Variants in B3GALT1 observed in about 807,000 individuals in gnomAD.
B3GALT1 encodes the protein beta-1,3-galactosyltransferase 1.
Under a neutral mutation model 23.2 loss-of-function variants are expected in B3GALT1, and 10 were observed. The observed-to-expected ratio is 0.43, with a 90% CI of 0.27 to 0.73. The LOEUF (loss-of-function observed/expected upper bound fraction) is 0.73, where lower values mean the gene tolerates loss of function less well. Among genes scored for constraint, B3GALT1 ranks in the 30% least tolerant of loss-of-function variants. The pLI is 0.21. For synonymous variants in B3GALT1, 156 were observed against 141.5 expected (o/e 1.10, Z -0.73); for missense variants, 299 against 405.4 (o/e 0.74, Z 2.25).
chr2:167,446,730 T>C (rs1699001689), intron 1 of B3GALT1, among the ~76,000 whole-genome samples: 1 of 152,180 alleles, frequency 6.6e-6, no homozygotes, highest in South Asian at 2.1e-4. Flanking sequence ...TTTAAGGACT[T>C]CTCTACACTG....
chr2:167,839,637 C>A (rs1462753970), intron 4 of B3GALT1, among the ~76,000 whole-genome samples: 1 of 152,254 alleles, frequency 6.6e-6, no homozygotes, highest in African/African-American at 2.4e-5. Context: ...CCATCCCCAT[C>A]AAGCTACCAA....
chr2:167,435,458 A>T (rs1394807247), intron 1 of B3GALT1, among the ~76,000 whole-genome samples: 1 of 142,614 alleles, frequency 7.0e-6, no homozygotes, highest in African/African-American at 2.7e-5. Context: ...AAAAAAAAAA[A>T]AAAAGCAGAG....
At chr2:167,527,824 G>A (rs1012261035) in intron 2 of B3GALT1, among the ~76,000 whole-genome samples, 10 of 152,038 alleles carry the variant, frequency 6.6e-5, no homozygotes, top group South Asian at 2.1e-4. Context: ...CATATGTAAC[G>A]GCAATGTCAA....
chr2:167,621,979 T>C (rs922035607), intron 2 of B3GALT1, among the ~76,000 whole-genome samples: 3 of 152,110 alleles, frequency 2.0e-5, no homozygotes, highest in Admixed American at 6.6e-5. Flanking sequence ...AGTCTTGGGT[T>C]TGTCTTTATT....
At chr2:167,860,065 A>G (rs1001445300) in intron 4 of B3GALT1, among the ~76,000 whole-genome samples, 6 of 152,134 alleles carry the variant, frequency 3.9e-5, no homozygotes, top group Non-Finnish European at 8.8e-5. Context: ...TAAGAGTGAG[A>G]AAAAGGGGAG....
chr2:167,758,926 C>T (rs1687859640), intron 3 of B3GALT1, among the ~76,000 whole-genome samples: 1 of 152,114 alleles, frequency 6.6e-6, no homozygotes, highest in African/African-American at 2.4e-5. Context: ...TGGAAAGAAG[C>T]TTTCGTGATG....
chr2:167,692,495 A>G (rs941633962), intron 3 of B3GALT1, among the ~76,000 whole-genome samples: 5 of 152,100 alleles, frequency 3.3e-5, no homozygotes, highest in Admixed American at 1.3e-4. Flanking sequence ...TAATAAAAAG[A>G]GCATGCATAC....
chr2:167,400,634 C>T (rs902072001), intron 1 of B3GALT1, among the ~76,000 whole-genome samples: 4 of 152,030 alleles, frequency 2.6e-5, no homozygotes, highest in African/African-American at 9.7e-5. Context: ...GAAGATCTCC[C>T]TCTCAATTCT....
intron 3 of B3GALT1, among the ~76,000 whole-genome samples, chr2:167,693,593 G>A (rs1265935245): frequency 6.6e-6 from 1 of 152,074 alleles, no homozygotes; most frequent in African/African-American, 2.4e-5. Context: ...TAGGAAAAAA[G>A]AAAGAAAATG....
rs554671698 is a variant in B3GALT1, at chr2:167,594,019, G to A, written c.-409-52890G>A. ...ACAAATTCTGTACTTACTTTGCTTT[G>A]GCCTTTTCTATACATTTATAAGGTG... On this transcript the variant is annotated intron_variant, in intron 2 of 4. Coordinates refer to ENST00000392690, the MANE Select transcript of B3GALT1 (RefSeq NM_020981.4). 1.1e-3 allele frequency among the ~76,000 whole-genome samples: 174 copies of A among 152,274 alleles called. 1 individual carries two copies. The highest frequency in any genetic ancestry group is 4.1e-3 in the African/African-American group (170 of 41,534).
intron 2 of B3GALT1, among the ~76,000 whole-genome samples, chr2:167,559,706 T>G (rs1028474292): frequency 6.6e-6 from 1 of 152,020 alleles, no homozygotes; most frequent in Admixed American, 6.5e-5. Flanking sequence ...AGGGTATCAG[T>G]GATGGAAGAC....
intron 2 of B3GALT1, among the ~76,000 whole-genome samples, chr2:167,504,082 G>C (rs1489455001): frequency 6.6e-6 from 1 of 152,168 alleles, no homozygotes; most frequent in Non-Finnish European, 1.5e-5. Context: ...TTCCTGGGCA[G>C]ATATGCAGTG....
At chr2:167,401,728 C>T (rs961902244) in intron 1 of B3GALT1, among the ~76,000 whole-genome samples, 12 of 152,170 alleles carry the variant, frequency 7.9e-5, no homozygotes, top group African/African-American at 2.9e-4. Flanking sequence ...ATGATGATCT[C>T]TCTCAGAATC....
intron 2 of B3GALT1, among the ~76,000 whole-genome samples, chr2:167,559,892 T>C (rs1482066276): frequency 6.6e-6 from 1 of 152,136 alleles, no homozygotes; most frequent in Non-Finnish European, 1.5e-5. Flanking sequence ...CAGGATGTTA[T>C]CCAGGAGAAC....
At chr2:167,547,801 CAAA>C (rs568454937) in intron 2 of B3GALT1, among the ~76,000 whole-genome samples, 338 of 152,082 alleles carry the variant, frequency 2.2e-3, no homozygotes, top group Middle Eastern at 6.8e-3. Context: ...GGCTAGCTGC[CAAA>C]AAGAATTGGA....
At chr2:167,446,881 C>A (rs945257541) in intron 1 of B3GALT1, among the ~76,000 whole-genome samples, 1 of 152,304 alleles carries the variant, frequency 6.6e-6, no homozygotes, top group South Asian at 2.1e-4. Context: ...CATTCTCCAT[C>A]CAACTTTGTT....
intron 2 of B3GALT1, among the ~76,000 whole-genome samples, chr2:167,644,562 C>T (rs1228065491): frequency 3.9e-5 from 6 of 151,926 alleles, no homozygotes; most frequent in African/African-American, 1.2e-4. Context: ...GGGTGGATCA[C>T]GAGGTCAGGA....
At chr2:167,472,928 T>A (rs1162491618) in intron 1 of B3GALT1, among the ~76,000 whole-genome samples, 1 of 152,136 alleles carries the variant, frequency 6.6e-6, no homozygotes, top group African/African-American at 2.4e-5. Context: ...GATTTTTTTG[T>A]GAAAAAGTGA....
intron 1 of B3GALT1, among the ~76,000 whole-genome samples, chr2:167,392,145 C>T (rs754814307): frequency 4.0e-5 from 6 of 151,658 alleles, no homozygotes; most frequent in Admixed American, 6.6e-5. Context: ...TTGAGTCCTA[C>T]GAGTAAACTA....
Sources: gnomAD v4.1 joint callset for allele counts (sites outside exome capture counted in the v4.1 genomes callset) on GRCh38, gnomAD v4.1.1 for gene constraint, MANE v1.5 for transcripts, NCBI Gene and HGNC (gene_info 2026-07-23, HGNC 2026-07-21) for gene names.